RARB: variants seen among roughly 807,000 people sequenced by gnomAD.
The protein encoded by RARB is HBV-activated protein.
Under a neutral mutation model 51.9 loss-of-function variants are expected in RARB, and 17 were observed. The observed-to-expected ratio is 0.33, with a 90% CI of 0.22 to 0.49. RARB has a LOEUF of 0.49. Among genes scored for constraint, RARB ranks in the 20% least tolerant of loss-of-function variants. The probability of loss-of-function intolerance (pLI) is 0.99; values close to 1 mark genes in which losing one functional copy is unlikely to be tolerated. For missense variants in RARB, 369 were observed against 550.8 expected (o/e 0.67, Z 3.30); for synonymous variants, 215 against 195.4 (o/e 1.10, Z -0.84).
At chr3:25,162,792 A>G (rs565333291) in intron 4 of RARB, among the ~76,000 whole-genome samples, 2 of 152,338 alleles carry the variant, frequency 1.3e-5, no homozygotes, top group East Asian at 3.9e-4. Context: ...ATAATTTTGT[A>G]TAGATGGACC....
chr3:24,842,554 C>T (rs766853259), intron 1 of RARB, among the ~76,000 whole-genome samples: 3 of 152,002 alleles, frequency 2.0e-5, no homozygotes, highest in South Asian at 2.1e-4. Context: ...TTTGGCAGGC[C>T]GTTATTCATT....
intron 5 of RARB, among the ~76,000 whole-genome samples, chr3:25,364,141 T>C (rs922169221): frequency 3.9e-5 from 6 of 152,220 alleles, no homozygotes; most frequent in African/African-American, 1.4e-4. Context: ...TTTGTTTTAT[T>C]TTGTGATTTA....
intron 5 of RARB, among the ~76,000 whole-genome samples, chr3:25,217,871 A>G (rs1311463213): frequency 1.3e-5 from 2 of 152,150 alleles, no homozygotes; most frequent in Non-Finnish European, 2.9e-5. Flanking sequence ...TTCTAGACCT[A>G]GCCATAGGCA....
intron 5 of RARB, among the ~76,000 whole-genome samples, chr3:25,304,214 C>A (rs1704105580): frequency 6.6e-6 from 1 of 152,334 alleles, no homozygotes; most frequent in East Asian, 1.9e-4. Context: ...CTGTACTGGG[C>A]TCCTCTAACC....
At chr3:25,278,789 C>T (rs1245392397) in intron 5 of RARB, among the ~76,000 whole-genome samples, 1 of 152,148 alleles carries the variant, frequency 6.6e-6, no homozygotes, top group East Asian at 1.9e-4. Context: ...GCTGGGCCAG[C>T]ACATTCTACT....
Position 25,576,460 on chromosome 3 carries a change from C to G in RARB, c.610-4086C>G, listed in dbSNP as rs894346275. ...CCTCTAGGGCCTTGGACTATACCCACCACCCCACCCCTGCACTCGACCAAG... is the reference window on the plus strand; with the variant it reads ...CCTCTAGGGCCTTGGACTATACCCAGCACCCCACCCCTGCACTCGACCAAG... On this transcript the variant is annotated intron_variant, in intron 4 of 7. Transcript: ENST00000330688. 3.9e-5 allele frequency among the ~76,000 whole-genome samples: 6 copies of G among 152,110 alleles called. No individual in the cohort carries two copies. The East Asian group carries it at 9.7e-4, about 24-fold the overall frequency.
chr3:25,151,834 TAACAC>T (rs1414296646), intron 4 of RARB, among the ~76,000 whole-genome samples: 1 of 152,224 alleles, frequency 6.6e-6, no homozygotes, highest in Non-Finnish European at 1.5e-5. Context: ...ACGGAAAACA[TAACAC>T]TGAGAAAGTT....
chr3:25,379,609 A>T (rs1706566133), intron 5 of RARB, among the ~76,000 whole-genome samples: 1 of 152,248 alleles, frequency 6.6e-6, no homozygotes, highest in Non-Finnish European at 1.5e-5. Flanking sequence ...CAGCAAGTAC[A>T]CTTGGAAAAT....
chr3:25,016,088 T>C (rs62228500), intron 2 of RARB, among the ~76,000 whole-genome samples: 11,054 of 152,246 alleles, frequency 0.073, 493 homozygotes, highest in Non-Finnish European at 0.1. Flanking sequence ...TGGACAAATA[T>C]TTGGAATTTT....
chr3:24,925,571 G>A, intron 2 of RARB, among the ~76,000 whole-genome samples: 1 of 148,802 alleles, frequency 6.7e-6, no homozygotes, highest in Non-Finnish European at 1.5e-5. Context: ...GATCCCAGGA[G>A]ATCGAGGGAG....
At chr3:25,200,663 T>G (rs959137350) in intron 5 of RARB, among the ~76,000 whole-genome samples, 2 of 152,148 alleles carry the variant, frequency 1.3e-5, no homozygotes, top group African/African-American at 4.8e-5. Flanking sequence ...TACATATGGC[T>G]AGCCAGTTTT....
chr3:25,361,456 A>G (rs1395062976), intron 5 of RARB, among the ~76,000 whole-genome samples: 1 of 152,142 alleles, frequency 6.6e-6, no homozygotes, highest in African/African-American at 2.4e-5. Flanking sequence ...GTTTGTTATT[A>G]CCCACTTTCT....
In RARB at chr3:25,343,513, T is replaced by A. The variant is rs141492891; in HGVS notation, c.179-117680T>A. 2.0e-5 allele frequency among the ~76,000 whole-genome samples: 3 copies of A among 152,084 alleles called. No homozygotes were observed. The East Asian group carries it at 5.8e-4, about 29-fold the overall frequency. On this transcript the variant is annotated intron_variant, in intron 5 of 11. Transcript: ENST00000383772. ...TTGAATAGAACATGAAGCCCTGAGTTAGCCAAAATGCTTAAGAAAAACTTT... is the reference window on the plus strand; with the variant it reads ...TTGAATAGAACATGAAGCCCTGAGTAAGCCAAAATGCTTAAGAAAAACTTT...
chr3:25,361,979 A>C (rs937263917), intron 5 of RARB, among the ~76,000 whole-genome samples: 1 of 152,194 alleles, frequency 6.6e-6, no homozygotes, highest in Non-Finnish European at 1.5e-5. Flanking sequence ...CTGAGGAGGC[A>C]GTCTGTCCCT....
intron 2 of RARB, among the ~76,000 whole-genome samples, chr3:24,984,102 C>G (rs182585910): frequency 2.2e-4 from 33 of 152,072 alleles, no homozygotes; most frequent in Admixed American, 5.9e-4. Flanking sequence ...GCTATATAAC[C>G]CACAGTCATT....
chr3:25,419,161 T>C (rs1297868264), intron 5 of RARB, among the ~76,000 whole-genome samples: 1 of 152,032 alleles, frequency 6.6e-6, no homozygotes, highest in Non-Finnish European at 1.5e-5. Context: ...TCTATTTAGG[T>C]GGTGCTCTGT....
chr3:25,204,843 G>A (rs530105233), intron 5 of RARB, among the ~76,000 whole-genome samples: 60 of 152,324 alleles, frequency 3.9e-4, no homozygotes, highest in African/African-American at 5.1e-4. Context: ...CTACTTGGGG[G>A]TGCCTGCCAG....
intron 5 of RARB, among the ~76,000 whole-genome samples, chr3:25,271,033 G>A (rs1703245611): frequency 7.8e-6 from 1 of 128,238 alleles, no homozygotes; most frequent in Admixed American, 9.3e-5. Context: ...ACTCATTCCA[G>A]CTTCTAGTGA....
chr3:25,133,654 T>A lies in RARB; in HGVS notation c.-280+1446T>A, dbSNP rs137990872. Among the ~76,000 whole-genome samples the A allele has an allele frequency of 3.2e-3, 493 of 152,104 alleles. 4 individuals are homozygous for A. The highest frequency in any genetic ancestry group is 0.011 in the African/African-American group (463 of 41,540). On this transcript the variant is annotated intron_variant, in intron 4 of 11. Transcript: ENST00000383772. ...CCTATTCTTTAAAATGTGTTTTCTGTGACTACACATAATCCACTTTGTTTT... is the reference window on the plus strand; with the variant it reads ...CCTATTCTTTAAAATGTGTTTTCTGAGACTACACATAATCCACTTTGTTTT...
Sources: allele counts gnomAD v4.1 joint callset (sites outside exome capture counted in the v4.1 genomes callset), GRCh38; gene constraint gnomAD v4.1.1; transcripts MANE v1.5; gene names NCBI Gene and HGNC (gene_info 2026-07-23, HGNC 2026-07-21).